Variants in FRZB observed in about 807,000 individuals in gnomAD.
The protein encoded by FRZB is frizzled related protein.
Under a neutral mutation model 32.5 loss-of-function variants are expected in FRZB, and 34 were observed. The observed-to-expected ratio is 1.05, with a 90% CI of 0.80 to 1.39. The LOEUF (loss-of-function observed/expected upper bound fraction) is 1.39, where lower values mean the gene tolerates loss of function less well. Among genes scored for constraint, FRZB ranks in the 40% most tolerant of loss-of-function variants. The probability of loss-of-function intolerance (pLI) is 0.00; values close to 1 mark genes in which losing one functional copy is unlikely to be tolerated. For missense variants in FRZB, 423 were observed against 424.8 expected, an observed-to-expected ratio of 1.00 and a Z score of 0.04; for synonymous variants, 170 against 159.2, an observed-to-expected ratio of 1.07 and a Z score of -0.51.
chr2:182,838,455 T>A lies in FRZB; in HGVS notation c.751A>T (p.Asn251Tyr). 1 of 1,612,836 alleles carries A rather than the reference T, an allele frequency of 6.2e-7. No individual in the cohort carries two copies. Among genetic ancestry groups the A allele is most frequent in the African/African-American group, 1.3e-5 (1 of 74,940 alleles). ...SGCLCPPLNV[N>Y]EEYIIMGYED... ...TAGCCCATGATGATATATTCCTCAT[T>A]AACATTAAGTGGAGGGCAGAGGCAG... Residue 251 changes from asparagine to tyrosine, a missense_variant, in exon 4 of 6, where the codon AAT (asparagine) becomes TAT (tyrosine). Physicochemically the swap from Asn to Tyr is moderately radical, Grantham distance 143 (BLOSUM62 -2). Coordinates refer to ENST00000295113, the MANE Select transcript of FRZB (RefSeq NM_001463.4).
At chr2:182,842,333 G>T in intron 3 of FRZB, 145 bp downstream of exon 3, 1 of 630,522 alleles carries the variant, frequency 1.6e-6, no homozygotes, top group South Asian at 1.9e-5. Flanking sequence ...GGGGCAGAGG[G>T]ACTATGCTCC....
intron 3 of FRZB, among the ~76,000 whole-genome samples, chr2:182,841,068 T>C (rs1212455280): frequency 9.2e-5 from 14 of 152,120 alleles, no homozygotes; most frequent in Admixed American, 9.2e-4. Context: ...CCTAGGCTTC[T>C]TCACATCAAT....
intron 1 of FRZB, among the ~76,000 whole-genome samples, chr2:182,865,796 G>C (rs147735324): frequency 4.3e-4 from 66 of 152,384 alleles, no homozygotes; most frequent in African/African-American, 1.5e-3. Context: ...TGGAGTAGAA[G>C]TGTGATGGGT....
intron 2 of FRZB, among the ~76,000 whole-genome samples, chr2:182,842,972 T>C (rs288330): frequency 0.67 from 101,413 of 151,996 alleles, 34,336 homozygotes; most frequent in African/African-American, 0.71. Flanking sequence ...TTTTAACAGA[T>C]GACACAGTAC....
At chr2:182,865,132 A>G (rs1695876607) in intron 1 of FRZB, among the ~76,000 whole-genome samples, 1 of 152,208 alleles carries the variant, frequency 6.6e-6, no homozygotes, top group Non-Finnish European at 1.5e-5. Flanking sequence ...ATGGTAGGGA[A>G]AGACTGAAAT....
intron 2 of FRZB, among the ~76,000 whole-genome samples, chr2:182,846,937 T>C (rs950760383): frequency 3.9e-5 from 6 of 152,190 alleles, no homozygotes; most frequent in African/African-American, 1.4e-4. Context: ...CTCTGGTGTA[T>C]CCATTCTTCT....
At chr2:182,860,864 C>CAA (rs796422085) in intron 1 of FRZB, among the ~76,000 whole-genome samples, 4,002 of 69,004 alleles carry the variant, frequency 0.058, 206 homozygotes, top group African/African-American at 0.16. Flanking sequence ...GAGACTGTCT[C>CAA]AAAAAAAAAA....
intron 1 of FRZB, among the ~76,000 whole-genome samples, chr2:182,861,411 G>A (rs1281246967): frequency 6.6e-6 from 1 of 152,218 alleles, no homozygotes; most frequent in Non-Finnish European, 1.5e-5. Context: ...TAGAACATAA[G>A]TGTTGGTTGC....
intron 1 of FRZB, among the ~76,000 whole-genome samples, chr2:182,864,836 G>A (rs191901850): frequency 3.6e-4 from 55 of 152,222 alleles, no homozygotes; most frequent in African/African-American, 1.2e-3. Context: ...AACAGATGGA[G>A]GCAACCAAGT....
intron 2 of FRZB, among the ~76,000 whole-genome samples, chr2:182,853,244 G>A (rs964508912): frequency 6.6e-6 from 1 of 152,120 alleles, no homozygotes; most frequent in African/African-American, 2.4e-5. Context: ...CACCACATTC[G>A]TTCTAGGTAG....
At chr2:182,837,915 G>T in intron 5 of FRZB, 33 bp downstream of exon 5, 2 of 1,548,942 alleles carry the variant, frequency 1.3e-6, no homozygotes, top group East Asian at 2.3e-5. Context: ...TTTGTTTTCT[G>T]TGTATTACTT....
chr2:182,861,263 C>T (rs1695828663), intron 1 of FRZB, among the ~76,000 whole-genome samples: 1 of 152,220 alleles, frequency 6.6e-6, no homozygotes, highest in Admixed American at 6.5e-5. Flanking sequence ...TAGTGTAGAA[C>T]AGGCTCTGCT....
At chr2:182,837,393 T>A (rs980143061) in intron 5 of FRZB, among the ~76,000 whole-genome samples, 4 of 152,008 alleles carry the variant, frequency 2.6e-5, no homozygotes, top group Non-Finnish European at 5.9e-5. Context: ...TTCCTTCCCA[T>A]CATTTATTCT....
chr2:182,847,811 CT>C (rs1559048530), intron 2 of FRZB, among the ~76,000 whole-genome samples: 2 of 152,122 alleles, frequency 1.3e-5, no homozygotes, highest in African/African-American at 4.8e-5. Flanking sequence ...GGTAAGAATG[CT>C]TGGCAATCTT....
At chr2:182,865,229 G>A (rs6433995) in intron 1 of FRZB, among the ~76,000 whole-genome samples, 7,480 of 151,824 alleles carry the variant, frequency 0.049, 518 homozygotes, top group African/African-American at 0.16. Context: ...GTGGAATAAG[G>A]GGTGAGATTT....
intron 2 of FRZB, among the ~76,000 whole-genome samples, chr2:182,846,158 G>T (rs987986822): frequency 6.6e-6 from 1 of 152,118 alleles, no homozygotes; most frequent in Non-Finnish European, 1.5e-5. Flanking sequence ...TTTTTGATAT[G>T]ATCTTAGAAG....
chr2:182,864,724 C>A (rs1194159713), intron 1 of FRZB, among the ~76,000 whole-genome samples: 1 of 152,178 alleles, frequency 6.6e-6, no homozygotes, highest in African/African-American at 2.4e-5. Context: ...TTTTCCAAAT[C>A]AATTTCCCGA....
chr2:182,851,280 A>C (rs540102599), intron 2 of FRZB, among the ~76,000 whole-genome samples: 1 of 152,316 alleles, frequency 6.6e-6, no homozygotes, highest in South Asian at 2.1e-4. Flanking sequence ...AACCAAATAA[A>C]GTTTCAGTAC....
intron 2 of FRZB, among the ~76,000 whole-genome samples, chr2:182,851,228 A>G (rs1695706562): frequency 6.6e-6 from 1 of 152,236 alleles, no homozygotes; most frequent in Non-Finnish European, 1.5e-5. Context: ...TTGGCAGGAC[A>G]AATCATTACA....
Sources: gnomAD v4.1 joint callset for allele counts (sites outside exome capture counted in the v4.1 genomes callset) on GRCh38, gnomAD v4.1.1 for gene constraint, MANE v1.5 for transcripts, NCBI Gene and HGNC (gene_info 2026-07-23, HGNC 2026-07-21) for gene names.